The following ZFC3H1 variants were observed in gnomAD, a reference collection of about 807,000 sequenced individuals.
The protein encoded by ZFC3H1 is zinc finger C3H1-type containing.
A neutral mutation model predicts 243.7 loss-of-function variants in ZFC3H1; 71 were observed. The observed-to-expected ratio is 0.29, with a 90% CI of 0.24 to 0.36. The LOEUF (loss-of-function observed/expected upper bound fraction) is 0.36, where lower values mean the gene tolerates loss of function less well. Among genes scored for constraint, ZFC3H1 ranks in the 10% least tolerant of loss-of-function variants. The pLI is 1.00. For synonymous variants in ZFC3H1, 838 were observed against 813.0 expected, an observed-to-expected ratio of 1.03 and a Z score of -0.52; for missense variants, 1,966 against 2,317.1, an observed-to-expected ratio of 0.85 and a Z score of 3.11.
At chr12:71,626,517 A>G (rs999729793) in intron 21 of ZFC3H1, 71 bp from the exon 22 acceptor site, 3 of 1,302,532 alleles carry the variant, frequency 2.3e-6, no homozygotes, top group South Asian at 3.7e-5. Context: ...GGCTAATCCA[A>G]TGAGTCAATT....
intron 30 of ZFC3H1, among the ~76,000 whole-genome samples, chr12:71,614,213 T>C (rs1157410729): frequency 6.6e-6 from 1 of 151,948 alleles, no homozygotes; most frequent in South Asian, 2.1e-4. Context: ...AAGCAAAACA[T>C]TACAGGTATT....
intron 6 of ZFC3H1, among the ~76,000 whole-genome samples, chr12:71,641,367 T>C (rs544716336): frequency 1.3e-4 from 20 of 152,350 alleles, no homozygotes; most frequent in African/African-American, 4.6e-4. Context: ...TTGTTTTGTC[T>C]CTAGTCTAGA....
rs185831877 is a variant in ZFC3H1 at position 71,620,189 on chromosome 12, T to C, written c.4850+21A>G. 583 of 1,614,036 alleles carry C rather than the reference T, an allele frequency of 3.6e-4. 2 individuals are homozygous for C. The highest frequency in any genetic ancestry group is 2.8e-5 in the Non-Finnish European group (33 of 1,179,936). ...GATCACTTTTTAATATAAGGTTAGC[T>C]GCTTGGCAATTAAGTTGTACCTCTC... On this transcript the variant is annotated intron_variant, in intron 25 of 34. Coordinates refer to ENST00000378743, the MANE Select transcript of ZFC3H1 (RefSeq NM_144982.5).
At chr12:71,612,971 C>A (rs1879808383) in intron 31 of ZFC3H1, among the ~76,000 whole-genome samples, 2 of 152,162 alleles carry the variant, frequency 1.3e-5, no homozygotes, top group Non-Finnish European at 2.9e-5. Flanking sequence ...TTGAGAGCAA[C>A]TGACCTAGGT....
In ZFC3H1 at chr12:71,631,878, C is replaced by G; in HGVS notation, c.3370G>C (p.Val1124Leu). ...EKVLHGQEIS[V>L]DVDFVTAQSK... ...TGTGCTGTGACAAAATCCACATCTA[C>G]AGAAATCTCCTGCAAAAGAAAATAA... The change falls in exon 16 of 35, where the codon GTA becomes CTA. Residue 1124 changes from valine to leucine, a missense_variant. Transcript: ENST00000378743. 6.2e-7 allele frequency: 1 copy of G among 1,612,168 alleles called. No homozygotes were observed. Among genetic ancestry groups the G allele is most frequent in the Non-Finnish European group, 8.5e-7 (1 of 1,179,374 alleles).
chr12:71,653,199 T>A (rs998957493), intron 2 of ZFC3H1, among the ~76,000 whole-genome samples: 7 of 152,140 alleles, frequency 4.6e-5, no homozygotes, highest in Admixed American at 1.3e-4. Context: ...ATGATCAAAG[T>A]GATTTGAAAA....
chr12:71,656,976 C>A lies in ZFC3H1; in HGVS notation c.924G>T (p.Leu308Phe). ...AACGGTTCTTATCTCCTGGTAAAGTCAATTTTTGCCTGAGTGGTTTTAATT... is the reference window on the plus strand; with the variant it reads ...AACGGTTCTTATCTCCTGGTAAAGTAAATTTTTGCCTGAGTGGTTTTAATT... ...AFELKPLRQK[L>F]TLPGDKNRLK... The change falls in exon 2 of 35, where the codon TTG (leucine) becomes TTT (phenylalanine). Residue 308 changes from leucine (L) to phenylalanine (F), a missense_variant. Coordinates refer to ENST00000378743, the MANE Select transcript of ZFC3H1 (RefSeq NM_144982.5). 2 of 1,613,820 alleles carry A rather than the reference C, an allele frequency of 1.2e-6. No homozygotes were observed. The highest frequency in any genetic ancestry group is 1.7e-6 in the Non-Finnish European group (2 of 1,179,888).
rs998242763 is a variant in ZFC3H1, at chr12:71,634,639, C to T, written c.2360+65G>A. ...TCACTCATTCCCCAGTGCCAAGAAA[C>T]TCTATAAGAGAAGTTTTGAAAACAT... On this transcript the variant is annotated intron_variant, in intron 11 of 34. Coordinates refer to ENST00000378743, the MANE Select transcript of ZFC3H1 (RefSeq NM_144982.5). The T allele has an allele frequency of 4.7e-6, 7 of 1,504,044 alleles. No individual in the cohort carries two copies. The African/African-American group carries it at 9.8e-5, about 21-fold the overall frequency. 93.2% of individuals were successfully genotyped at this position (1,504,044 alleles called of 1,614,324 possible).
rs772702024 is a variant in ZFC3H1, at chr12:71,610,697, C to T, written c.5830G>A (p.Asp1944Asn). The change falls in exon 34 of 35, where the codon GAT becomes AAT. Residue 1944 changes from aspartate to asparagine, a missense_variant and splice_region_variant. Transcript: ENST00000378743. Reference sequence around the variant, plus strand: ...AAATAAAAGATAAAAAGCATTACATCTTTCCACAGTGATGCACAAAGAGGT... The same window carrying T: ...AAATAAAAGATAAAAAGCATTACATTTTTCCACAGTGATGCACAAAGAGGT... ...KLPLCASLWK[D>N]QLLFEASEGG... 2 of 1,613,172 alleles carry T rather than the reference C, an allele frequency of 1.2e-6. No individual in the cohort carries two copies. Among genetic ancestry groups the T allele is most frequent in the Admixed American group, 3.3e-5 (2 of 59,908 alleles).
At position 71,656,906 on chromosome 12, in the gene ZFC3H1, C is replaced by T. The variant is rs758350708; in HGVS notation, c.994G>A (p.Asp332Asn). ...TTACCTTGACTAGAATCAGTAGTGT[C>T]GGATTTCAGGGAAAGTGGTTTTGCT... ...DGAKPLSLKSDTTDSSQGLQD... is the reference protein window; with the variant it reads ...DGAKPLSLKSNTTDSSQGLQD... Residue 332 changes from aspartate (D) to asparagine (N), a missense_variant, in exon 2 of 35, where the codon GAC (aspartate) becomes AAC (asparagine). Asp to Asn is a conservative substitution (Grantham distance 23). Around this residue, in one of 4 missense-constraint regions of ZFC3H1, gnomAD observed 484 missense variants for 449.7 expected, o/e 1.08. Coordinates refer to ENST00000378743, the MANE Select transcript of ZFC3H1 (RefSeq NM_144982.5). 6 of 1,612,252 alleles carry T rather than the reference C, an allele frequency of 3.7e-6. No homozygotes were observed. Among genetic ancestry groups the T allele is most frequent in the South Asian group, 1.1e-5 (1 of 90,702 alleles).
At position 71,663,673 on chromosome 12, in the gene ZFC3H1, C is replaced by T. The variant is rs1424052762; in HGVS notation, c.-63G>A. 5 of 1,543,846 alleles carry T rather than the reference C, an allele frequency of 3.2e-6. No individual in the cohort carries two copies. The Admixed American group carries it at 5.3e-5, about 16-fold the overall frequency. Reference sequence around the variant, plus strand: ...GTCCGGGGATCCGCCCGACAATTGCCTCGTTTCCCTTCTTTCCTAACGGAC... The same window carrying T: ...GTCCGGGGATCCGCCCGACAATTGCTTCGTTTCCCTTCTTTCCTAACGGAC... On this transcript the variant is annotated 5_prime_UTR_variant, in exon 1 of 35. Coordinates refer to ENST00000378743, the MANE Select transcript of ZFC3H1 (RefSeq NM_144982.5).
intron 2 of ZFC3H1, among the ~76,000 whole-genome samples, chr12:71,651,740 A>AG (rs1203369342): frequency 1.3e-5 from 2 of 152,214 alleles, no homozygotes; most frequent in Non-Finnish European, 2.9e-5. Flanking sequence ...TTAAGAGAGA[A>AG]TGTAGGATGA....
intron 32 of ZFC3H1, 108 bp downstream of exon 32, chr12:71,611,677 AT>A (rs879721427): frequency 0.015 from 1,643 of 111,816 alleles, 3 homozygotes; most frequent in African/African-American, 0.024. Flanking sequence ...AAAAAAAAAA[AT>A]ATATATATAT....
intron 12 of ZFC3H1, among the ~76,000 whole-genome samples, chr12:71,633,684 T>C (rs370201183): frequency 6.6e-6 from 1 of 152,208 alleles, no homozygotes; most frequent in African/African-American, 2.4e-5. Flanking sequence ...GTAACGTGAA[T>C]TACTGTTGAA....
chr12:71,650,852 G>A lies in ZFC3H1; in HGVS notation c.1016-3039C>T, dbSNP rs559521372. On this transcript the variant is annotated intron_variant, in intron 2 of 34. Transcript: ENST00000378743. ...CTGTAAGAGCTCCCCATTTCATTAG[G>A]AATAAAAAAACAAAGTTCTTACAAG... is the stretch of plus-strand genomic sequence containing the variant. 1.9e-4 allele frequency among the ~76,000 whole-genome samples: 29 copies of A among 152,048 alleles called. No homozygotes were observed. In the South Asian group the frequency reaches 5.4e-3, roughly 28 times the overall value.
intron 22 of ZFC3H1, among the ~76,000 whole-genome samples, chr12:71,626,007 AT>A (rs1880155769): frequency 2.0e-5 from 3 of 152,094 alleles, no homozygotes; most frequent in African/African-American, 4.8e-5. Flanking sequence ...ACAATTTTAC[AT>A]TTTTTCTTTA....
At chr12:71,655,869 C>T (rs557119172) in intron 2 of ZFC3H1, among the ~76,000 whole-genome samples, 92 of 152,136 alleles carry the variant, frequency 6.0e-4, no homozygotes, top group Middle Eastern at 3.4e-3. Context: ...CTAAACAAAA[C>T]ACTAGCAAAC....
At chr12:71,649,974 G>A (rs563018995) in intron 2 of ZFC3H1, among the ~76,000 whole-genome samples, 33 of 152,256 alleles carry the variant, frequency 2.2e-4, no homozygotes, top group Non-Finnish European at 4.3e-4. Flanking sequence ...GGATCACGAG[G>A]TCAGGAGATC....
chr12:71,626,444 T>C lies in ZFC3H1; in HGVS notation c.4133A>G (p.Glu1378Gly). ...AYKYLNQNEG[E>G]CSESLDSALN... ...AGCAGAATCCAAGGATTCTGAGCAC[T>C]CCCTGTATATATAAAAGAAAAGGTG... Residue 1378 changes from glutamate to glycine, a missense_variant and splice_region_variant, in exon 22 of 35, where the codon GAG (glutamate) becomes GGG (glycine). Glu to Gly is a moderately conservative substitution (Grantham distance 98, BLOSUM62 -2). Coordinates refer to ENST00000378743, the MANE Select transcript of ZFC3H1 (RefSeq NM_144982.5). 1 of 1,602,420 alleles carries C rather than the reference T, an allele frequency of 6.2e-7. No homozygotes were observed. The highest frequency in any genetic ancestry group is 8.5e-7 in the Non-Finnish European group (1 of 1,173,904).
Sources: gnomAD v4.1 joint callset for allele counts (sites outside exome capture counted in the v4.1 genomes callset) on GRCh38, gnomAD v4.1.1 for gene constraint, gnomAD v4.1.1 regional missense constraint, MANE v1.5 for transcripts, NCBI Gene and HGNC (gene_info 2026-07-23, HGNC 2026-07-21) for gene names.